YWHAZ: variants seen among roughly 807,000 people sequenced by gnomAD.
YWHAZ encodes the protein 14-3-3 protein zeta/delta.
For missense variants in YWHAZ, 79 were observed against 284.8 expected, an observed-to-expected ratio of 0.28 and a Z score of 5.20; for synonymous variants, 87 against 103.6, an observed-to-expected ratio of 0.84 and a Z score of 0.97.
intron 2 of YWHAZ, among the ~76,000 whole-genome samples, chr8:100,936,768 G>A (rs1046552255): frequency 2.6e-5 from 4 of 152,120 alleles, no homozygotes; most frequent in South Asian, 2.1e-4. Context: ...GCTCGCCACT[G>A]AAGTCCAGCC....
At chr8:100,953,370 A>T, upstream of YWHAZ, 2 of 985,228 alleles carry the variant, frequency 2.0e-6, no homozygotes, top group Non-Finnish European at 2.4e-6. Flanking sequence ...CCGGGACGGG[A>T]GCCCGGAAGA....
In YWHAZ at chr8:100,941,523, G is replaced by A. The variant is rs1176339533; in HGVS notation, c.294+7073C>T. Among the ~76,000 whole-genome samples the A allele has an allele frequency of 4.6e-5, 7 of 152,168 alleles. No homozygotes were observed. In the East Asian group the frequency reaches 7.7e-4, roughly 17 times the overall value. On this transcript the variant is annotated intron_variant, in intron 2 of 5. Transcript: ENST00000395958. ...TTCTAGGCCGGGTATGGTGGCTCAC[G>A]ACTGTAATCCCAGCACTTTGGGAGG...
chr8:100,932,137 G>A (rs1282838823), intron 2 of YWHAZ: 1 of 152,188 alleles, frequency 6.6e-6, no homozygotes, highest in Non-Finnish European at 1.5e-5. Flanking sequence ...GCACAAGGTT[G>A]TTGTAAGGAT....
At position 100,924,858 on chromosome 8, in the gene YWHAZ, C is replaced by G. The variant is rs1209943445; in HGVS notation, c.418+58G>C. 4.4e-6 allele frequency: 7 copies of G among 1,603,462 alleles called. No homozygotes were observed. In the East Asian group the frequency reaches 1.6e-4, roughly 36 times the overall value. ...CAAGACATTATGTACGCTTCAGAGACTCTTCCTCACTATGTTATCTTATAC... is the reference window on the plus strand; with the variant it reads ...CAAGACATTATGTACGCTTCAGAGAGTCTTCCTCACTATGTTATCTTATAC... On this transcript the variant is annotated intron_variant, in intron 3 of 5. Coordinates refer to ENST00000395958, the MANE Select transcript of YWHAZ (RefSeq NM_145690.3). This position sits in a 1 kb window ranked among gnomAD's most constrained non-coding sequence, Gnocchi z 5.7.
Position 100,924,702 on chromosome 8 carries a change from A to G in YWHAZ, c.418+214T>C, listed in dbSNP as rs1813243557. On this transcript the variant is annotated intron_variant, in intron 3 of 5. Transcript: ENST00000395958. The surrounding 1 kb of genome is among the most constrained non-coding windows in gnomAD (Gnocchi z 5.7). ...TCACTTTTCTTAAAATCTTGAAAAA[A>G]CATCCCTGTACACAATATTGGCTTT... Among the ~76,000 whole-genome samples, 1 of 152,126 alleles carries G rather than the reference A, an allele frequency of 6.6e-6. No homozygotes were observed. The highest frequency in any genetic ancestry group is 2.4e-5 in the African/African-American group (1 of 41,418).
At chr8:100,939,560 G>A (rs568935858) in intron 2 of YWHAZ, among the ~76,000 whole-genome samples, 17 of 152,196 alleles carry the variant, frequency 1.1e-4, no homozygotes, top group Admixed American at 6.5e-4. Flanking sequence ...TCAGGAGGCC[G>A]AGGCAGGAGA....
intron 5 of YWHAZ, among the ~76,000 whole-genome samples, 196 bp from the exon 6 acceptor site, chr8:100,920,948 G>A (rs1812983037): frequency 6.6e-6 from 1 of 152,136 alleles, no homozygotes. Flanking sequence ...ATATAAGCAG[G>A]TTAAGTACAC....
chr8:100,932,867 A>T (rs898671345), intron 2 of YWHAZ, among the ~76,000 whole-genome samples: 1 of 151,004 alleles, frequency 6.6e-6, no homozygotes, highest in Non-Finnish European at 1.5e-5. Context: ...CAAGGACATT[A>T]AAAAAAAAGT....
At position 100,922,244 on chromosome 8, in the gene YWHAZ, G is replaced by A. The variant is rs59803595; in HGVS notation, c.679-1492C>T. 0.046 allele frequency among the ~76,000 whole-genome samples: 6,965 copies of A among 152,246 alleles called. 172 individuals carry two copies. Among genetic ancestry groups the A allele is most frequent in the Non-Finnish European group, 0.057 (3,910 of 68,022 alleles). Reference sequence around the variant, plus strand: ...AGTCTTGGTCAACCAAATTCAGAATGAAATATTAAGTTTTGGGATAATTTC... The same window carrying A: ...AGTCTTGGTCAACCAAATTCAGAATAAAATATTAAGTTTTGGGATAATTTC... On this transcript the variant is annotated intron_variant, in intron 5 of 5. Transcript: ENST00000395958. The surrounding 1 kb of genome is among the most constrained non-coding windows in gnomAD (Gnocchi z 4.1).
At chr8:100,929,199 T>C (rs938119523) in intron 2 of YWHAZ, among the ~76,000 whole-genome samples, 17 of 149,234 alleles carry the variant, frequency 1.1e-4, no homozygotes, top group Non-Finnish European at 2.5e-4. Context: ...CCTCAAACAT[T>C]GATTTTTTTT....
intron 2 of YWHAZ, among the ~76,000 whole-genome samples, chr8:100,933,628 T>A (rs1813914354): frequency 1.3e-5 from 2 of 152,208 alleles, no homozygotes; most frequent in South Asian, 4.1e-4. Context: ...CTATTCAGCT[T>A]CATCTACATT....
chr8:100,948,006 G>C lies in YWHAZ; in HGVS notation c.294+590C>G. The C allele has an allele frequency of 8.6e-7, 1 of 1,164,216 alleles. No homozygotes were observed. The highest frequency in any genetic ancestry group is 1.2e-6 in the Non-Finnish European group (1 of 829,710). 72.1% of individuals were successfully genotyped at this position (1,164,216 alleles called of 1,614,324 possible). A position where few individuals can be genotyped will look rare whatever the true frequency, so the allele number is the denominator to read the frequency against. On this transcript the variant is annotated intron_variant, in intron 2 of 5. Transcript: ENST00000395958. The surrounding 1 kb of genome is among the most constrained non-coding windows in gnomAD (Gnocchi z 4.2). ...TAAGTACTGAATACTTAAAATACTC[G>C]ATTCAAACTGGAAAATCAAGCTTGA...
At chr8:100,934,045 C>G (rs1813947084) in intron 2 of YWHAZ, among the ~76,000 whole-genome samples, 1 of 149,040 alleles carries the variant, frequency 6.7e-6, no homozygotes, top group Non-Finnish European at 1.5e-5. Flanking sequence ...GTAATCCCAG[C>G]TACTTGGCAG....
chr8:100,948,006 G>A lies in YWHAZ; in HGVS notation c.294+590C>T, dbSNP rs1346829025. The A allele has an allele frequency of 4.3e-6, 5 of 1,164,098 alleles. No homozygotes were observed. The highest frequency in any genetic ancestry group is 4.9e-5 in the Admixed American group (2 of 40,710). 72.1% of individuals were successfully genotyped at this position (1,164,098 alleles called of 1,614,324 possible). A position where few individuals can be genotyped will look rare whatever the true frequency, so the allele number is the denominator to read the frequency against. On this transcript the variant is annotated intron_variant, in intron 2 of 5. Transcript: ENST00000395958. The surrounding 1 kb of genome is among the most constrained non-coding windows in gnomAD (Gnocchi z 4.2). ...TAAGTACTGAATACTTAAAATACTC[G>A]ATTCAAACTGGAAAATCAAGCTTGA...
At chr8:100,952,965 TCTGCGCTCGGTGA>T (rs1586175891), upstream of YWHAZ, 38 of 1,000,504 alleles carry the variant, frequency 3.8e-5, no homozygotes, top group Non-Finnish European at 4.5e-5. Flanking sequence ...GAGCGCGGGA[TCTGCGCTCGGTGA>T]CTGCGCGAGG....
intron 5 of YWHAZ, 53 bp from the exon 6 acceptor site, chr8:100,920,805 G>A: frequency 1.6e-6 from 1 of 618,974 alleles, no homozygotes; most frequent in Non-Finnish European, 2.7e-6. Context: ...TGGGGGGGGG[G>A]GGGCGTTTTC....
Position 100,924,403 on chromosome 8 carries a change from T to G in YWHAZ, c.419-105A>C. 3 of 1,167,686 alleles carry G rather than the reference T, an allele frequency of 2.6e-6. No individual in the cohort carries two copies. Among genetic ancestry groups the G allele is most frequent in the Non-Finnish European group, 3.5e-6 (3 of 845,902 alleles). The allele number at this position is 1,167,686 out of a possible 1,614,324, so 72.3% of individuals were successfully genotyped here. A position where few individuals can be genotyped will look rare whatever the true frequency, so the allele number is the denominator to read the frequency against. The stretch of plus-strand genomic sequence containing the variant: ...ACATATCCTTTGAAATACTAACCTG[T>G]AACAGCTTAATATTTGTTAATTGAA... On this transcript the variant is annotated intron_variant, in intron 3 of 5. Coordinates refer to ENST00000395958, the MANE Select transcript of YWHAZ (RefSeq NM_145690.3). This position sits in a 1 kb window ranked among gnomAD's most constrained non-coding sequence, Gnocchi z 5.7.
At chr8:100,928,409 C>T (rs1813516315) in intron 2 of YWHAZ, among the ~76,000 whole-genome samples, 1 of 152,064 alleles carries the variant, frequency 6.6e-6, no homozygotes, top group Non-Finnish European at 1.5e-5. Context: ...AAGGGGCTAA[C>T]ACTGTAGCTC....
At chr8:100,928,530 G>A (rs1416830667) in intron 2 of YWHAZ, among the ~76,000 whole-genome samples, 14 of 151,840 alleles carry the variant, frequency 9.2e-5, no homozygotes, top group African/African-American at 1.9e-4. Flanking sequence ...TCAGGAGTTC[G>A]AGACCAGCCT....
Sources: allele counts gnomAD v4.1 joint callset (sites outside exome capture counted in the v4.1 genomes callset), GRCh38; gene constraint gnomAD v4.1.1; non-coding constraint Gnocchi (gnomAD v3.1); transcripts MANE v1.5; gene names NCBI Gene and HGNC (gene_info 2026-07-23, HGNC 2026-07-21).